Variants in PTPN12 observed in about 807,000 individuals in gnomAD.
The protein encoded by PTPN12 is tyrosine-protein phosphatase non-receptor type 12.
PTPN12 carries 29 observed loss-of-function variants against 97.6 expected under a neutral mutation model. The ratio of observed to expected loss-of-function variants is 0.30; its 90% CI spans 0.22 to 0.41. PTPN12 has a LOEUF of 0.41. Ranked by LOEUF, PTPN12 falls within the 10% of genes least tolerant of loss-of-function variation. PTPN12 has a pLI of 1.00. For missense variants in PTPN12, 819 were observed against 926.0 expected (o/e 0.88, Z 1.50); for synonymous variants, 327 against 300.4 (o/e 1.09, Z -0.91).
intron 9 of PTPN12, 37 bp from the exon 10 acceptor site, chr7:77,610,724 AATAG>A (rs1422202093): frequency 6.5e-7 from 1 of 1,535,716 alleles, no homozygotes; most frequent in Non-Finnish European, 8.8e-7. Context: ...CTATTTTCTG[AATAG>A]ATACACAAAG....
intron 8 of PTPN12, among the ~76,000 whole-genome samples, chr7:77,602,193 G>T (rs982349077): frequency 2.0e-5 from 3 of 147,714 alleles, no homozygotes; most frequent in Non-Finnish European, 4.5e-5. Context: ...CTAGAAGGGG[G>T]GTTAATGTAT....
intron 6 of PTPN12, among the ~76,000 whole-genome samples, chr7:77,596,596 G>A (rs1041445701): frequency 2.6e-5 from 4 of 152,104 alleles, no homozygotes; most frequent in Non-Finnish European, 5.9e-5. Context: ...TTTTTTTGTA[G>A]AGACAGGGTT....
At chr7:77,592,340 C>T in intron 6 of PTPN12, 84 bp downstream of exon 6, 1 of 1,195,142 alleles carries the variant, frequency 8.4e-7, no homozygotes. Context: ...GTGGTATGAA[C>T]CCAGGCTTAT....
At chr7:77,549,964 A>G (rs1193731725) in intron 1 of PTPN12, among the ~76,000 whole-genome samples, 2 of 152,192 alleles carry the variant, frequency 1.3e-5, no homozygotes, top group South Asian at 2.1e-4. Flanking sequence ...AAAAACTAAC[A>G]TATTTTCTTC....
At chr7:77,634,486 C>A (rs1789516804) in intron 14 of PTPN12, among the ~76,000 whole-genome samples, 1 of 152,180 alleles carries the variant, frequency 6.6e-6, no homozygotes, top group Admixed American at 6.5e-5. Context: ...GTCGCCCCGG[C>A]TGGAGTGCAG....
At chr7:77,634,596 C>T (rs1224575304) in intron 14 of PTPN12, among the ~76,000 whole-genome samples, 4 of 152,040 alleles carry the variant, frequency 2.6e-5, no homozygotes, top group Non-Finnish European at 5.9e-5. Context: ...CCTGCCACCA[C>T]ACCCGGCTTA....
intron 9 of PTPN12, among the ~76,000 whole-genome samples, chr7:77,608,023 G>A (rs1392314098): frequency 6.6e-6 from 1 of 152,174 alleles, no homozygotes; most frequent in Non-Finnish European, 1.5e-5. Flanking sequence ...CCAAAGTGCC[G>A]GGATTGTAGG....
chr7:77,542,601 A>G (rs1456034012), intron 1 of PTPN12, among the ~76,000 whole-genome samples: 1 of 152,194 alleles, frequency 6.6e-6, no homozygotes, highest in Non-Finnish European at 1.5e-5. Context: ...TCAATGATTC[A>G]TTAGATGTAG....
chr7:77,582,081 G>GTTTTT (rs1237836254), intron 3 of PTPN12, among the ~76,000 whole-genome samples: 9 of 74,330 alleles, frequency 1.2e-4, no homozygotes, highest in East Asian at 7.7e-4. Context: ...AAGCAGTCAA[G>GTTTTT]TTCTTTTTTT....
intron 1 of PTPN12, among the ~76,000 whole-genome samples, chr7:77,565,089 T>G (rs1385539874): frequency 6.6e-6 from 1 of 152,146 alleles, no homozygotes; most frequent in Non-Finnish European, 1.5e-5. Context: ...GTTATAACAT[T>G]GAGGAATTTG....
chr7:77,638,995 G>T, intron 17 of PTPN12: 1 of 697,232 alleles, frequency 1.4e-6, no homozygotes, highest in African/African-American at 1.8e-5. Flanking sequence ...TGATAAAATT[G>T]GTTTTATTTC....
intron 11 of PTPN12, among the ~76,000 whole-genome samples, chr7:77,613,034 G>C (rs1788622505): frequency 6.6e-6 from 1 of 151,624 alleles, no homozygotes. Context: ...GCCTCCCAAA[G>C]TGCTAGGATT....
chr7:77,537,978 C>CGA, intron 1 of PTPN12: 2 of 767,426 alleles, frequency 2.6e-6, no homozygotes, highest in African/African-American at 4.2e-5. Context: ...AGGTGCAGGC[C>CGA]GGGGGGGGGG....
chr7:77,594,807 T>C (rs371764498), intron 6 of PTPN12, among the ~76,000 whole-genome samples: 8 of 152,170 alleles, frequency 5.3e-5, no homozygotes, highest in East Asian at 3.9e-4. Flanking sequence ...CAAACATTTG[T>C]AAATTTAGAT....
rs147470100 is a variant in PTPN12 at position 77,606,470 on chromosome 7, T to G, written c.696-765T>G. Reference sequence around the variant, plus strand: ...GGAATGCATTGGTGCCATCATGGCTTACTGCAGCCTCGACCTCCCAGGCTC... The same window carrying G: ...GGAATGCATTGGTGCCATCATGGCTGACTGCAGCCTCGACCTCCCAGGCTC... On this transcript the variant is annotated intron_variant, in intron 8 of 17. Coordinates refer to ENST00000248594, the MANE Select transcript of PTPN12 (RefSeq NM_002835.4). Among the ~76,000 whole-genome samples the G allele has an allele frequency of 5.3e-5, 8 of 151,856 alleles. No homozygotes were observed. In the East Asian group the frequency reaches 1.4e-3, roughly 26 times the overall value.
rs369228581 is a variant in PTPN12 at position 77,583,557 on chromosome 7, C to T, written c.288C>T (p.Gly96=). ...AATTTGCTTTTAACCATTTTTAGGG[C>T]GTCTATGGGCCAAAAGCATATGTAG... The part of the protein sequence containing the change: ...SDYINANFIK[G]VYGPKAYVAT... Residue 96 remains glycine (G), a splice_region_variant and synonymous_variant, in exon 4 of 18, where the codon GGC becomes GGT. Coordinates refer to ENST00000248594, the MANE Select transcript of PTPN12 (RefSeq NM_002835.4). 57 of 1,588,616 alleles carry T rather than the reference C, an allele frequency of 3.6e-5. No individual in the cohort carries two copies. Among genetic ancestry groups the T allele is most frequent in the South Asian group, 2.9e-4 (25 of 86,368 alleles).
intron 1 of PTPN12, among the ~76,000 whole-genome samples, chr7:77,565,951 T>C (rs556712520): frequency 6.6e-6 from 1 of 152,330 alleles, no homozygotes; most frequent in East Asian, 1.9e-4. Context: ...TTTTATAGAT[T>C]AGTGGACGAG....
chr7:77,583,482 AC>A (rs1787587521), intron 3 of PTPN12, 72 bp from the exon 4 acceptor site: 2 of 929,682 alleles, frequency 2.2e-6, no homozygotes, highest in Non-Finnish European at 3.4e-6. Context: ...ACAATTTGAA[AC>A]CTTATATTTT....
At chr7:77,616,721 C>A (rs1245561886) in intron 11 of PTPN12, among the ~76,000 whole-genome samples, 1 of 152,072 alleles carries the variant, frequency 6.6e-6, no homozygotes, top group Admixed American at 6.5e-5. Flanking sequence ...TCAAGTGTTA[C>A]AGAATTATGG....
Sources: gnomAD v4.1 joint callset for allele counts (sites outside exome capture counted in the v4.1 genomes callset) on GRCh38, gnomAD v4.1.1 for gene constraint, MANE v1.5 for transcripts, NCBI Gene and HGNC (gene_info 2026-07-23, HGNC 2026-07-21) for gene names.